The following CTNND2 variants were observed in gnomAD, a reference collection of about 807,000 sequenced individuals.
The protein encoded by CTNND2 is catenin delta 2.
CTNND2 carries 22 observed loss-of-function variants against 144.4 expected under a neutral mutation model. The observed-to-expected ratio is 0.15, with a 90% CI of 0.11 to 0.22. CTNND2 has a LOEUF of 0.22. Among genes scored for constraint, CTNND2 ranks in the 10% least tolerant of loss-of-function variants. The pLI is 1.00. For missense variants in CTNND2, 1,353 were observed against 1,618.8 expected (o/e 0.84, Z 2.82); for synonymous variants, 751 against 695.6 (o/e 1.08, Z -1.25).
chr5:11,063,665 T>C (rs1045089346), intron 16 of CTNND2, among the ~76,000 whole-genome samples: 8 of 152,144 alleles, frequency 5.3e-5, no homozygotes, highest in African/African-American at 1.9e-4. Flanking sequence ...AAGAAGATGA[T>C]GTTGGGTACT....
intron 9 of CTNND2, among the ~76,000 whole-genome samples, chr5:11,315,820 A>T (rs1035073895): frequency 2.0e-5 from 3 of 152,182 alleles, no homozygotes; most frequent in Non-Finnish European, 4.4e-5. Context: ...CCTACATAGT[A>T]AGCTTGATAA....
intron 3 of CTNND2, among the ~76,000 whole-genome samples, chr5:11,466,006 A>G (rs1034643855): frequency 6.6e-6 from 1 of 152,190 alleles, no homozygotes; most frequent in Non-Finnish European, 1.5e-5. Context: ...CTAACTTAAA[A>G]AAACAAAACT....
At chr5:11,019,815 A>C (rs1742047222) in intron 17 of CTNND2, among the ~76,000 whole-genome samples, 1 of 152,258 alleles carries the variant, frequency 6.6e-6, no homozygotes, top group Admixed American at 6.5e-5. Flanking sequence ...CTTATGACAA[A>C]ATATAGTGAC....
intron 13 of CTNND2, 144 bp from the exon 14 acceptor site, chr5:11,111,187 G>A: frequency 1.3e-6 from 1 of 791,490 alleles, no homozygotes; most frequent in South Asian, 2.1e-5. Context: ...CTCCCCTGAT[G>A]GCCACAGTGG....
intron 2 of CTNND2, among the ~76,000 whole-genome samples, chr5:11,601,152 G>A (rs1319325149): frequency 6.6e-6 from 1 of 152,172 alleles, no homozygotes. Flanking sequence ...ATCCATAGAT[G>A]TATAAACGAG....
intron 2 of CTNND2, among the ~76,000 whole-genome samples, chr5:11,707,122 C>G (rs1785753749): frequency 6.6e-6 from 1 of 151,960 alleles, no homozygotes; most frequent in Non-Finnish European, 1.5e-5. Context: ...TTAGGTGTCC[C>G]ACAACTATGA....
intron 15 of CTNND2, among the ~76,000 whole-genome samples, chr5:11,092,874 C>T (rs1750910062): frequency 6.6e-6 from 1 of 152,122 alleles, no homozygotes; most frequent in South Asian, 2.1e-4. Context: ...CACTAATCTG[C>T]CCTGGTTCAC....
intron 3 of CTNND2, among the ~76,000 whole-genome samples, chr5:11,507,640 G>C (rs59495705): frequency 6.6e-6 from 1 of 152,144 alleles, no homozygotes; most frequent in South Asian, 2.1e-4. Flanking sequence ...TTTCCTCCAC[G>C]GGTTTCCTCC....
chr5:11,607,742 T>C (rs1307645634), intron 2 of CTNND2, among the ~76,000 whole-genome samples: 1 of 152,220 alleles, frequency 6.6e-6, no homozygotes, highest in Non-Finnish European at 1.5e-5. Flanking sequence ...AATGTCAAAC[T>C]GTCAACATCC....
intron 21 of CTNND2, among the ~76,000 whole-genome samples, chr5:10,978,499 GA>G (rs199943851): frequency 0.035 from 4,772 of 136,166 alleles, 98 homozygotes; most frequent in South Asian, 0.05. Flanking sequence ...ACTTTTTGGG[GA>G]GGGGGGGGAA....
chr5:11,343,310 A>C (rs1754450182), intron 9 of CTNND2, among the ~76,000 whole-genome samples: 1 of 152,218 alleles, frequency 6.6e-6, no homozygotes, highest in African/African-American at 2.4e-5. Flanking sequence ...GTATTTGCTT[A>C]AACACTTCTC....
chr5:11,053,780 G>A (rs1399155456), intron 16 of CTNND2, among the ~76,000 whole-genome samples: 1 of 152,204 alleles, frequency 6.6e-6, no homozygotes, highest in Non-Finnish European at 1.5e-5. Context: ...ATGTGTAGGA[G>A]AATATAATGA....
chr5:11,384,889 T>G lies in CTNND2; in HGVS notation c.953A>C (p.Asn318Thr). 6.2e-7 allele frequency: 1 copy of G among 1,611,110 alleles called. No homozygotes were observed. The highest frequency in any genetic ancestry group is 8.5e-7 in the Non-Finnish European group (1 of 1,179,172). Residue 318 changes from asparagine (N) to threonine (T), a missense_variant, in exon 7 of 22, where the codon AAC (asparagine) becomes ACC (threonine). Physicochemically the swap from Asn to Thr is moderately conservative, Grantham distance 65. This residue lies in a region of CTNND2 where 708 missense variants were observed against 706.4 expected (regional missense o/e 1.00). Coordinates refer to ENST00000304623, the MANE Select transcript of CTNND2 (RefSeq NM_001332.4). This position sits in a 1 kb window ranked among gnomAD's most constrained non-coding sequence, Gnocchi z 5.2. The stretch of plus-strand genomic sequence containing the variant: ...CAGGCCGGCCGAGGACACGACGATG[T>G]TGATGGGCGAGCTGGTGCTGTAGGA... Reference protein sequence around the residue: ...AKSYSTSSPINIVVSSAGLSP... With the variant: ...AKSYSTSSPITIVVSSAGLSP...
chr5:11,343,143 A>G (rs1321529619), intron 9 of CTNND2, among the ~76,000 whole-genome samples: 3 of 152,178 alleles, frequency 2.0e-5, no homozygotes, highest in Non-Finnish European at 4.4e-5. Flanking sequence ...AATCCAAATG[A>G]CTGAGCCAAC....
At chr5:11,337,546 T>C (rs1228907896) in intron 9 of CTNND2, among the ~76,000 whole-genome samples, 9 of 152,176 alleles carry the variant, frequency 5.9e-5, no homozygotes, top group East Asian at 3.9e-4. Context: ...CTAAATCCCA[T>C]AGATAACACA....
chr5:11,489,426 A>T (rs1474123503), intron 3 of CTNND2, among the ~76,000 whole-genome samples: 1 of 152,184 alleles, frequency 6.6e-6, no homozygotes, highest in East Asian at 1.9e-4. Flanking sequence ...AATTTGTAAG[A>T]CATAAAAATA....
intron 2 of CTNND2, among the ~76,000 whole-genome samples, chr5:11,645,555 T>A (rs1296556575): frequency 6.6e-6 from 1 of 152,226 alleles, no homozygotes; most frequent in African/African-American, 2.4e-5. Context: ...TTTTAAAAAT[T>A]TCTTTTTATC....
chr5:11,313,781 C>A (rs1751224986), intron 9 of CTNND2, among the ~76,000 whole-genome samples: 1 of 152,178 alleles, frequency 6.6e-6, no homozygotes, highest in African/African-American at 2.4e-5. Context: ...GTTTAATTGG[C>A]TTATGGTTCC....
intron 2 of CTNND2, among the ~76,000 whole-genome samples, chr5:11,661,443 G>A (rs1471540350): frequency 6.6e-6 from 1 of 151,976 alleles, no homozygotes; most frequent in East Asian, 1.9e-4. Context: ...GCAAACTTTT[G>A]CAACATCTAC....
Sources: gnomAD v4.1 joint callset for allele counts (sites outside exome capture counted in the v4.1 genomes callset) on GRCh38, gnomAD v4.1.1 for gene constraint, gnomAD v4.1.1 regional missense constraint, Gnocchi (gnomAD v3.1) non-coding constraint, MANE v1.5 for transcripts, NCBI Gene and HGNC (gene_info 2026-07-23, HGNC 2026-07-21) for gene names.